The following HK1 variants were observed in gnomAD, a reference collection of about 807,000 sequenced individuals.
HK1 encodes hexokinase 1, also known as hexokinase-1.
HK1 carries 28 observed loss-of-function variants against 91.6 expected under a neutral mutation model. The ratio of observed to expected loss-of-function variants is 0.31; its 90% CI spans 0.23 to 0.42. The LOEUF is 0.42. Among genes scored for constraint, HK1 ranks in the 10% least tolerant of loss-of-function variants. The pLI is 1.00. For synonymous variants in HK1, 430 were observed against 468.1 expected (o/e 0.92, Z 1.05); for missense variants, 770 against 1,219.8 (o/e 0.63, Z 5.49).
intron 16 of HK1, 67 bp downstream of exon 16, chr10:69,395,172 T>TGGG: frequency 6.5e-7 from 1 of 1,540,946 alleles, no homozygotes; most frequent in Non-Finnish European, 8.9e-7. Flanking sequence ...TGGATTGTGA[T>TGGG]GGGGGTGGTA....
intron 4 of HK1, 103 bp from the exon 5 acceptor site, chr10:69,368,433 C>T (rs1447900715): frequency 1.0e-6 from 1 of 983,318 alleles, no homozygotes; most frequent in African/African-American, 1.6e-5. Flanking sequence ...CCACTTGGCC[C>T]CTATGGGCTT....
chr10:69,281,187 T>A (rs1234717675), intron 1 of HK1, among the ~76,000 whole-genome samples: 1 of 152,218 alleles, frequency 6.6e-6, no homozygotes, highest in African/African-American at 2.4e-5. Flanking sequence ...CAGGAGGGCT[T>A]GTTAAAACAC....
intron 3 of HK1, among the ~76,000 whole-genome samples, chr10:69,363,970 ACTGT>A (rs1849565782): frequency 6.6e-6 from 1 of 152,224 alleles, no homozygotes; most frequent in African/African-American, 2.4e-5. Context: ...TCCGTGGATG[ACTGT>A]CATCCACATG....
At chr10:69,329,172 T>C (rs113764511) in intron 1 of HK1, among the ~76,000 whole-genome samples, 2 of 135,294 alleles carry the variant, frequency 1.5e-5, no homozygotes, top group African/African-American at 6.7e-5. Flanking sequence ...TCTTCTTCTT[T>C]TTTTTTTTTC....
chr10:69,297,804 G>A lies in HK1; in HGVS notation c.-67+2124G>A, dbSNP rs952207564. The stretch of plus-strand genomic sequence containing the variant: ...CCAACTACTTGGGAGGCTGAGGCAC[G>A]AGAATCGCTTGAACCTGGGAGGCGG... On this transcript the variant is annotated intron_variant, in intron 4 of 21. Coordinates refer to the HK1 transcript ENST00000360289. Among the ~76,000 whole-genome samples the A allele has an allele frequency of 1.6e-4, 24 of 151,286 alleles. 1 individual carries two copies. Among genetic ancestry groups the A allele is most frequent in the African/African-American group, 4.7e-4 (19 of 40,840 alleles).
chr10:69,338,212 C>A, intron 1 of HK1: 1 of 1,095,938 alleles, frequency 9.1e-7, no homozygotes, highest in Admixed American at 4.1e-5. Context: ...GCAAGAGCGC[C>A]CGCCCTGTGC....
At chr10:69,308,469 C>T (rs1055381823) in intron 5 of HK1, among the ~76,000 whole-genome samples, 2 of 152,096 alleles carry the variant, frequency 1.3e-5, no homozygotes, top group African/African-American at 4.8e-5. Flanking sequence ...ACTGAGCAAG[C>T]AGGGGGTATG....
At chr10:69,342,584 G>C (rs1260070698) in intron 1 of HK1, among the ~76,000 whole-genome samples, 1 of 152,226 alleles carries the variant, frequency 6.6e-6, no homozygotes, top group East Asian at 1.9e-4. Flanking sequence ...GCAGAGGGTA[G>C]GTGCCTTGGC....
intron 1 of HK1, among the ~76,000 whole-genome samples, chr10:69,276,162 A>ACAC (rs1564746945): frequency 3.3e-4 from 44 of 134,324 alleles, no homozygotes; most frequent in African/African-American, 1.2e-3. Flanking sequence ...TTCTATATTA[A>ACAC]ATAAGTAATT....
At chr10:69,376,325 T>TAGGCAGCATAAGG (rs1839104114) in intron 7 of HK1, among the ~76,000 whole-genome samples, 1 of 152,008 alleles carries the variant, frequency 6.6e-6, no homozygotes. Context: ...GAAACCAGCC[T>TAGGCAGCATAAGG]AGGCAGCATA....
At chr10:69,373,191 A>C (rs912453713) in intron 7 of HK1, among the ~76,000 whole-genome samples, 16 of 152,168 alleles carry the variant, frequency 1.1e-4, no homozygotes, top group Non-Finnish European at 4.4e-5. Context: ...TTAAAATCTC[A>C]GTGTGTTAGA....
At chr10:69,388,651 T>G (rs970904136) in intron 13 of HK1, among the ~76,000 whole-genome samples, 1 of 152,262 alleles carries the variant, frequency 6.6e-6, no homozygotes, top group African/African-American at 2.4e-5. Context: ...TGCATTTAGA[T>G]CAACCTCATT....
Position 69,384,961 on chromosome 10 carries a change from C to T in HK1, c.1839+46C>T, listed in dbSNP as rs111419598. The T allele has an allele frequency of 2.5e-6, 4 of 1,612,366 alleles. No individual in the cohort carries two copies. In the East Asian group the frequency reaches 8.9e-5, roughly 36 times the overall value. On this transcript the variant is annotated intron_variant, in intron 12 of 17. Coordinates refer to ENST00000359426, the MANE Select transcript of HK1 (RefSeq NM_000188.3). The stretch of plus-strand genomic sequence containing the variant: ...CTCAGTGATCGGGCAGCACTGAGTC[C>T]CCTGTGGCCTGGGTGGGCTGGCCCT...
intron 14 of HK1, among the ~76,000 whole-genome samples, chr10:69,391,489 A>T (rs1839894272): frequency 6.6e-6 from 1 of 152,180 alleles, no homozygotes; most frequent in African/African-American, 2.4e-5. Flanking sequence ...TAAAAATTTT[A>T]AAAAATTAGC....
At chr10:69,374,088 G>A (rs1455807289) in intron 7 of HK1, among the ~76,000 whole-genome samples, 2 of 152,194 alleles carry the variant, frequency 1.3e-5, no homozygotes, top group African/African-American at 4.8e-5. Flanking sequence ...TGGCCTGGAT[G>A]GTGGTTGAGT....
chr10:69,302,624 G>C (rs1268249895), intron 5 of HK1, among the ~76,000 whole-genome samples: 1 of 151,674 alleles, frequency 6.6e-6, no homozygotes, highest in Non-Finnish European at 1.5e-5. Flanking sequence ...GAGTGGTGGG[G>C]TGCATCTGTG....
Position 69,343,760 on chromosome 10 carries a change from G to C in HK1, c.64-67G>C, listed in dbSNP as rs1589514713. On this transcript the variant is annotated intron_variant, in intron 1 of 17. Coordinates refer to ENST00000359426, the MANE Select transcript of HK1 (RefSeq NM_000188.3). The stretch of plus-strand genomic sequence containing the variant: ...CTGTGGGAGCTGGCTATCTCAGCGG[G>C]TGGGTGCCTCACCTTGCCCTGTCCT... The C allele has an allele frequency of 2.4e-6, 3 of 1,249,268 alleles. No individual in the cohort carries two copies. In the South Asian group the frequency reaches 3.6e-5, roughly 15 times the overall value. 77.4% of individuals were successfully genotyped at this position (1,249,268 alleles called of 1,614,324 possible). A position where few individuals can be genotyped will look rare whatever the true frequency, so the allele number is the denominator to read the frequency against.
At chr10:69,274,316 G>A (rs1342416007) in intron 1 of HK1, among the ~76,000 whole-genome samples, 1 of 151,882 alleles carries the variant, frequency 6.6e-6, no homozygotes, top group African/African-American at 2.4e-5. Flanking sequence ...AAATACTTTT[G>A]CCCAGGCGCA....
intron 4 of HK1, among the ~76,000 whole-genome samples, chr10:69,299,102 A>G (rs975478351): frequency 2.0e-5 from 3 of 147,178 alleles, no homozygotes; most frequent in Non-Finnish European, 4.5e-5. Flanking sequence ...ACCATGCCCG[A>G]CCTATGTTTT....
Sources: gnomAD v4.1 joint callset for allele counts (sites outside exome capture counted in the v4.1 genomes callset) on GRCh38, gnomAD v4.1.1 for gene constraint, MANE v1.5 for transcripts, NCBI Gene and HGNC (gene_info 2026-07-23, HGNC 2026-07-21) for gene names.